Variants in RBM48 observed in about 807,000 individuals in gnomAD.
RBM48 encodes the protein RNA binding motif protein 48.
A neutral mutation model predicts 34.8 loss-of-function variants in RBM48; 32 were observed. The observed-to-expected ratio is 0.92, with a 90% CI of 0.69 to 1.23. RBM48 has a LOEUF of 1.23. RBM48 is among the 50% of genes most tolerant of loss of function. The pLI, the probability that RBM48 is intolerant of heterozygous loss-of-function variation, is 0.00. For synonymous variants in RBM48, 151 were observed against 156.2 expected, an observed-to-expected ratio of 0.97 and a Z score of 0.25; for missense variants, 441 against 447.2, an observed-to-expected ratio of 0.99 and a Z score of 0.12.
At position 92,529,477 on chromosome 7, in the gene RBM48, T is replaced by G. The variant is rs1327813305; in HGVS notation, c.113T>G (p.Val38Gly). ...REGRRPRAVK[V>G]YTINLESQYL... ...TTAATAACTCTGCATTTCTTTCAGG[T>G]ATATACAATCAATTTGGAATCTCAG... is the stretch of plus-strand genomic sequence containing the variant. The change falls in exon 2 of 5, where the codon GTA becomes GGA. Residue 38 changes from valine (V) to glycine (G), a missense_variant and splice_region_variant. Physicochemically the swap from Val to Gly is moderately radical, Grantham distance 109. Coordinates refer to ENST00000265732, the MANE Select transcript of RBM48 (RefSeq NM_032120.4). The G allele has an allele frequency of 6.3e-7, 1 of 1,578,970 alleles. No individual in the cohort carries two copies. Among genetic ancestry groups the G allele is most frequent in the East Asian group, 2.2e-5 (1 of 44,662 alleles).
chr7:92,536,011 C>G (rs1313882428), intron 4 of RBM48: 18 of 377,734 alleles, frequency 4.8e-5, no homozygotes, highest in South Asian at 1.1e-4. Flanking sequence ...GTGGTGAACT[C>G]TTGTAGCTAC....
At chr7:92,530,816 T>C (rs1585274149) in intron 2 of RBM48, among the ~76,000 whole-genome samples, 1 of 149,268 alleles carries the variant, frequency 6.7e-6, no homozygotes, top group Middle Eastern at 3.7e-3. Context: ...AAAGAAAAAG[T>C]TGGATTTGAT....
chr7:92,536,135 A>C, intron 4 of RBM48: 1 of 985,292 alleles, frequency 1.0e-6, no homozygotes, highest in Non-Finnish European at 1.2e-6. Context: ...GTCTCAAAAA[A>C]AAAGGTTTTC....
chr7:92,533,082 A>T (rs934405833), intron 3 of RBM48, among the ~76,000 whole-genome samples: 7 of 152,226 alleles, frequency 4.6e-5, no homozygotes, highest in African/African-American at 1.7e-4. Flanking sequence ...GAGAAGTTCT[A>T]CTTTTGACCA....
chr7:92,533,964 T>C (rs1793637115), intron 3 of RBM48, among the ~76,000 whole-genome samples: 1 of 125,700 alleles, frequency 8.0e-6, no homozygotes, highest in Admixed American at 8.1e-5. Flanking sequence ...TACTCTGAAA[T>C]TGTAAAAAAA....
At chr7:92,529,729 T>G in intron 2 of RBM48, 63 bp downstream of exon 2, 2 of 1,100,036 alleles carry the variant, frequency 1.8e-6, no homozygotes, top group Non-Finnish European at 2.6e-6. Context: ...TCTGTCATTT[T>G]GGCCCCAAGT....
rs777094985 is a variant in RBM48 at position 92,528,828 on chromosome 7, C to G, written c.15C>G (p.Gly5=). 29 of 1,613,906 alleles carry G rather than the reference C, an allele frequency of 1.8e-5. No individual in the cohort carries two copies. The highest frequency in any genetic ancestry group is 3.3e-5 in the Admixed American group (2 of 59,992). The change falls in exon 1 of 5, where the codon GGC becomes GGG. Residue 5 remains glycine (G), a synonymous_variant. Transcript: ENST00000265732. MASS[G]GELGSLFDHH... Reference sequence around the variant, plus strand: ...AAGTAGGCAAGATGGCGTCGAGCGGCGGGGAGCTAGGGAGTTTATTTGATC... The same window carrying G: ...AAGTAGGCAAGATGGCGTCGAGCGGGGGGGAGCTAGGGAGTTTATTTGATC...
chr7:92,535,307 A>G, intron 4 of RBM48: 1 of 1,196,772 alleles, frequency 8.4e-7, no homozygotes, highest in Non-Finnish European at 1.0e-6. Flanking sequence ...TATGAGCCAA[A>G]GTTGAGAAGC....
Position 92,528,868 on chromosome 7 carries a change from G to A in RBM48, c.55G>A (p.Ala19Thr). 6.2e-7 allele frequency: 1 copy of A among 1,614,156 alleles called. No individual in the cohort carries two copies. The highest frequency in any genetic ancestry group is 1.1e-5 in the South Asian group (1 of 91,074). Residue 19 changes from alanine to threonine, a missense_variant, in exon 1 of 5, where the codon GCG becomes ACG. Ala to Thr is a moderately conservative substitution (Grantham distance 58, BLOSUM62 0). Transcript: ENST00000265732. ...TTTATTTGATCACCACGTCCAGAGG[G>A]CGGTATGCGACACACGGGCCAAATA... is the stretch of plus-strand genomic sequence containing the variant. The part of the protein sequence containing the change: ...GSLFDHHVQR[A>T]VCDTRAKYRE...
rs1468225646 is a variant in RBM48, at chr7:92,539,333, CAA to C, written c.*2398_*2399del. Among the ~76,000 whole-genome samples, 1 of 152,164 alleles carries C rather than the reference CAA, an allele frequency of 6.6e-6. No individual in the cohort carries two copies. Among genetic ancestry groups the C allele is most frequent in the African/African-American group, 2.4e-5 (1 of 41,436 alleles). On this transcript the variant is annotated 3_prime_UTR_variant, in exon 5 of 5. Coordinates refer to ENST00000265732, the MANE Select transcript of RBM48 (RefSeq NM_032120.4). ...GTAGAGGGAATAAACTACAGGGAGA[CAA>C]ATAAATTAAAGAGATGAGTTGAGGT...
chr7:92,534,438 A>G lies in RBM48; in HGVS notation c.485A>G (p.His162Arg), dbSNP rs370698359. 6.6e-5 allele frequency: 106 copies of G among 1,613,726 alleles called. 1 individual carries two copies. Among genetic ancestry groups the G allele is most frequent in the Non-Finnish European group, 8.1e-5 (96 of 1,179,894 alleles). ...YVTKKKLVTE[H>R]KDTEDFRQDF... is the part of the protein sequence containing the mutation. ...ACAAAGAAGAAATTGGTTACAGAGC[A>G]TAAAGACACAGAGGATTTTAGACAA... The change falls in exon 4 of 5, where the codon CAT becomes CGT. Residue 162 changes from histidine (H) to arginine (R), a missense_variant. Physicochemically the swap from His to Arg is conservative, Grantham distance 29. Transcript: ENST00000265732.
intron 2 of RBM48, among the ~76,000 whole-genome samples, chr7:92,531,557 T>G (rs952153866): frequency 6.6e-6 from 1 of 152,238 alleles, no homozygotes; most frequent in Non-Finnish European, 1.5e-5. Context: ...TGTGGTTTTC[T>G]CAGGCTGCTG....
Position 92,528,850 on chromosome 7 carries a change from G to T in RBM48, c.37G>T (p.Asp13Tyr). Residue 13 changes from aspartate to tyrosine, a missense_variant, in exon 1 of 5, where the codon GAT becomes TAT. By Grantham distance (160) the Asp-to-Tyr change is radical. Coordinates refer to ENST00000265732, the MANE Select transcript of RBM48 (RefSeq NM_032120.4). ...SSGGELGSLF[D>Y]HHVQRAVCDT... ...CGGCGGGGAGCTAGGGAGTTTATTTGATCACCACGTCCAGAGGGCGGTATG... is the reference window on the plus strand; with the variant it reads ...CGGCGGGGAGCTAGGGAGTTTATTTTATCACCACGTCCAGAGGGCGGTATG... 1 of 1,614,112 alleles carries T rather than the reference G, an allele frequency of 6.2e-7. No individual in the cohort carries two copies. The highest frequency in any genetic ancestry group is 8.5e-7 in the Non-Finnish European group (1 of 1,180,016).
chr7:92,530,795 C>CAAA (rs577371763), intron 2 of RBM48, among the ~76,000 whole-genome samples: 4 of 128,538 alleles, frequency 3.1e-5, no homozygotes, highest in African/African-American at 5.8e-5. Context: ...GAGACTGTCT[C>CAAA]AAAAAAAAAA....
chr7:92,529,816 A>G, intron 2 of RBM48, 150 bp downstream of exon 2: 1 of 574,092 alleles, frequency 1.7e-6, no homozygotes, highest in East Asian at 2.9e-5. Context: ...AGTTAACTTT[A>G]CTGAAACACT....
chr7:92,535,975 A>G (rs1435948610), intron 4 of RBM48: 1 of 379,702 alleles, frequency 2.6e-6, no homozygotes, highest in East Asian at 1.6e-4. Context: ...TCTTTACCAT[A>G]AATATACAAA....
intron 3 of RBM48, among the ~76,000 whole-genome samples, chr7:92,533,622 C>T (rs1793628339): frequency 1.3e-5 from 2 of 152,298 alleles, no homozygotes; most frequent in South Asian, 2.1e-4. Flanking sequence ...GTTAAGCTCT[C>T]TTTCATCTGC....
chr7:92,528,828 C>T lies in RBM48; in HGVS notation c.15C>T (p.Gly5=), dbSNP rs777094985. ...AAGTAGGCAAGATGGCGTCGAGCGG[C>T]GGGGAGCTAGGGAGTTTATTTGATC... MASS[G]GELGSLFDHH... Residue 5 remains glycine, a synonymous_variant, in exon 1 of 5, where the codon GGC becomes GGT. Coordinates refer to ENST00000265732, the MANE Select transcript of RBM48 (RefSeq NM_032120.4). 3.1e-6 allele frequency: 5 copies of T among 1,613,906 alleles called. No individual in the cohort carries two copies. The highest frequency in any genetic ancestry group is 1.3e-5 in the African/African-American group (1 of 75,024).
chr7:92,532,103 G>C (rs1319507950), intron 2 of RBM48, among the ~76,000 whole-genome samples: 2 of 152,134 alleles, frequency 1.3e-5, no homozygotes, highest in African/African-American at 4.8e-5. Flanking sequence ...ACAGAGAAAA[G>C]CTCCATTTTA....
Sources: gnomAD v4.1 joint callset for allele counts (sites outside exome capture counted in the v4.1 genomes callset) on GRCh38, gnomAD v4.1.1 for gene constraint, MANE v1.5 for transcripts, NCBI Gene and HGNC (gene_info 2026-07-23, HGNC 2026-07-21) for gene names.